Variants in NF1 observed in about 807,000 individuals in gnomAD.
NF1 encodes neurofibromin.
Under a neutral mutation model 325.7 loss-of-function variants are expected in NF1, and 122 were observed. The observed-to-expected ratio is 0.37, with a 90% CI of 0.32 to 0.44. The LOEUF is 0.44. Among genes scored for constraint, NF1 ranks in the 20% least tolerant of loss-of-function variants. The pLI is 1.00. For missense variants in NF1, 2,140 were observed against 3,415.4 expected (o/e 0.63, Z 9.31); for synonymous variants, 1,091 against 1,186.0 (o/e 0.92, Z 1.65).
chr17:31,371,241 T>C (rs1041841), intron 57 of NF1, among the ~76,000 whole-genome samples: 3,649 of 152,260 alleles, frequency 0.024, 141 homozygotes, highest in African/African-American at 0.082. Flanking sequence ...TTTACCCTTC[T>C]CAGTGCCTTT....
At chr17:31,271,577 C>A (rs2067897608) in intron 36 of NF1, among the ~76,000 whole-genome samples, 1 of 151,892 alleles carries the variant, frequency 6.6e-6, no homozygotes, top group South Asian at 2.1e-4. Flanking sequence ...CATGGTGAAA[C>A]CCCTCTACTA....
intron 57 of NF1, among the ~76,000 whole-genome samples, chr17:31,373,755 C>T (rs2070688616): frequency 6.6e-6 from 1 of 152,178 alleles, no homozygotes; most frequent in African/African-American, 2.4e-5. Context: ...TGTGTTACAA[C>T]TACATAAAGT....
At chr17:31,255,221 G>A (rs914823931) in intron 31 of NF1, among the ~76,000 whole-genome samples, 5 of 152,100 alleles carry the variant, frequency 3.3e-5, no homozygotes, top group Admixed American at 6.5e-5. Flanking sequence ...ATGCATTCGC[G>A]TTATGTAGTC....
Position 31,232,743 on chromosome 17 carries a change from G to C in NF1, c.3358G>C (p.Val1120Leu), listed in dbSNP as rs200594167. 2.6e-5 allele frequency: 42 copies of C among 1,613,676 alleles called. No homozygotes were observed. The highest frequency in any genetic ancestry group is 5.1e-6 in the Non-Finnish European group (6 of 1,179,970). ...GAACCTTTTGAATGACTGCAGTGAAGTTGAAGATGAAAGTGCGCAAACAGG... is the reference window on the plus strand; with the variant it reads ...GAACCTTTTGAATGACTGCAGTGAACTTGAAGATGAAAGTGCGCAAACAGG... ...FMNLLNDCSE[V>L]EDESAQTGGR... The change falls in exon 26 of 58, where the codon GTT becomes CTT. Residue 1120 changes from valine to leucine, a missense_variant. By Grantham distance (32) the Val-to-Leu change is conservative. Coordinates refer to ENST00000358273, the MANE Select transcript of NF1 (RefSeq NM_001042492.3).
At chr17:31,245,530 T>G (rs1234660212) in intron 29 of NF1, among the ~76,000 whole-genome samples, 1 of 152,214 alleles carries the variant, frequency 6.6e-6, no homozygotes, top group African/African-American at 2.4e-5. Flanking sequence ...TTCTCACAAC[T>G]TCACCTTGAG....
intron 51 of NF1, among the ~76,000 whole-genome samples, chr17:31,354,179 T>C (rs573049156): frequency 6.6e-6 from 1 of 152,226 alleles, no homozygotes; most frequent in South Asian, 2.1e-4. Flanking sequence ...AATCAGCCAA[T>C]CACAACAGCA....
chr17:31,228,826 G>A (rs578154416), intron 20 of NF1, among the ~76,000 whole-genome samples, 199 bp from the exon 21 acceptor site: 1 of 152,124 alleles, frequency 6.6e-6, no homozygotes, highest in East Asian at 1.9e-4. Flanking sequence ...TTTGACACTC[G>A]GCTGATTATA....
rs757057811 is a variant in NF1 at position 31,159,061 on chromosome 17, A to G, written c.256A>G (p.Ile86Val). 6.2e-6 allele frequency: 10 copies of G among 1,609,168 alleles called. No individual in the cohort carries two copies. The highest frequency in any genetic ancestry group is 1.3e-5 in the African/African-American group (1 of 74,840). ...EKNLYLSQLI[I>V]LDTLEKCLAG... is the part of the protein sequence containing the mutation. Reference sequence around the variant, plus strand: ...AAATTTATATCTCTCTCAGTTGATTATATTGGATACACTGGAAAAATGTCT... The same window carrying G: ...AAATTTATATCTCTCTCAGTTGATTGTATTGGATACACTGGAAAAATGTCT... The change falls in exon 3 of 58, where the codon ATA becomes GTA. Residue 86 changes from isoleucine (I) to valine (V), a missense_variant. By Grantham distance (29) the Ile-to-Val change is conservative. Coordinates refer to ENST00000358273, the MANE Select transcript of NF1 (RefSeq NM_001042492.3).
rs1026605370 is a variant in NF1, at chr17:31,358,482, A to G, written c.7973A>G (p.His2658Arg). The change falls in exon 55 of 58, where the codon CAT becomes CGT. Residue 2658 changes from histidine to arginine, a missense_variant and splice_region_variant. By Grantham distance (29) the His-to-Arg change is conservative. Transcript: ENST00000358273. ...TGTTGACTTTTTTTTTCTTTTAGGCATAATTTGTTGGACTCTAAGATCAAC... is the reference window on the plus strand; with the variant it reads ...TGTTGACTTTTTTTTTCTTTTAGGCGTAATTTGTTGGACTCTAAGATCAAC... Reference protein sequence around the residue: ...VVFPKVFPVVHNLLDSKINTL... With the variant: ...VVFPKVFPVVRNLLDSKINTL... 3 of 1,613,502 alleles carry G rather than the reference A, an allele frequency of 1.9e-6. No individual in the cohort carries two copies. The highest frequency in any genetic ancestry group is 2.5e-6 in the Non-Finnish European group (3 of 1,179,762).
In NF1 at chr17:31,155,868, A is replaced by G; in HGVS notation, c.61-115A>G. On this transcript the variant is annotated intron_variant, in intron 1 of 57. Transcript: ENST00000358273. Reference sequence around the variant, plus strand: ...CGGAGTTTGAGATGCAAGTATAGGTATCTGTGGTTGATGCAGTTTTCCTAA... The same window carrying G: ...CGGAGTTTGAGATGCAAGTATAGGTGTCTGTGGTTGATGCAGTTTTCCTAA... The G allele has an allele frequency of 3.5e-6, 4 of 1,155,972 alleles. No individual in the cohort carries two copies. The South Asian group carries it at 5.6e-5, about 16-fold the overall frequency. 71.6% of individuals were successfully genotyped at this position (1,155,972 alleles called of 1,614,324 possible).
At chr17:31,273,870 A>G (rs929917052) in intron 36 of NF1, among the ~76,000 whole-genome samples, 6 of 152,222 alleles carry the variant, frequency 3.9e-5, no homozygotes, top group East Asian at 1.9e-4. Context: ...CCATGTATAC[A>G]TTAATGAATT....
At chr17:31,108,352 G>A (rs1597568233) in intron 1 of NF1, among the ~76,000 whole-genome samples, 1 of 128,642 alleles carries the variant, frequency 7.8e-6, no homozygotes, top group African/African-American at 3.1e-5. Flanking sequence ...TTGGCTCACT[G>A]CAACCTCTGC....
At chr17:31,331,792 G>GTGGGTGGAT (rs2069495485) in intron 39 of NF1, 1 of 151,342 alleles carries the variant, frequency 6.6e-6, no homozygotes, top group Non-Finnish European at 1.5e-5. Flanking sequence ...GGAGGTTGAG[G>GTGGGTGGAT]CAAGAGGATT....
At chr17:31,329,934 G>C (rs1481423744) in intron 38 of NF1, among the ~76,000 whole-genome samples, 1 of 152,104 alleles carries the variant, frequency 6.6e-6, no homozygotes, top group African/African-American at 2.4e-5. Context: ...TGCTAAAAAT[G>C]TATGGTGTGC....
intron 35 of NF1, among the ~76,000 whole-genome samples, chr17:31,262,173 G>A (rs1207922689): frequency 1.3e-5 from 2 of 152,154 alleles, no homozygotes; most frequent in Non-Finnish European, 1.5e-5. Context: ...GCAACTCAAT[G>A]TGAATAATTG....
intron 36 of NF1, among the ~76,000 whole-genome samples, chr17:31,306,222 A>G (rs1256308715): frequency 6.6e-6 from 1 of 151,986 alleles, no homozygotes; most frequent in African/African-American, 2.4e-5. Flanking sequence ...CCTCCTAAAT[A>G]TGGTTAATTG....
intron 8 of NF1, among the ~76,000 whole-genome samples, chr17:31,198,585 A>G (rs1410706887): frequency 6.6e-6 from 1 of 152,002 alleles, no homozygotes; most frequent in East Asian, 1.9e-4. Flanking sequence ...TTATTTTTGC[A>G]AAATCAGTAG....
intron 36 of NF1, among the ~76,000 whole-genome samples, chr17:31,310,316 C>G (rs997184775): frequency 6.6e-6 from 1 of 150,512 alleles, no homozygotes; most frequent in African/African-American, 2.5e-5. Flanking sequence ...GGTCAATTGA[C>G]TAGAGAAGAT....
At chr17:31,267,041 C>T (rs1169539390) in intron 36 of NF1, among the ~76,000 whole-genome samples, 3 of 152,144 alleles carry the variant, frequency 2.0e-5, no homozygotes, top group Non-Finnish European at 4.4e-5. Context: ...AAGTGATTCT[C>T]CTGTCTTAGC....
Sources: allele counts gnomAD v4.1 joint callset (sites outside exome capture counted in the v4.1 genomes callset), GRCh38; gene constraint gnomAD v4.1.1; transcripts MANE v1.5; gene names NCBI Gene and HGNC (gene_info 2026-07-23, HGNC 2026-07-21).